LTV1: variants seen among roughly 807,000 people sequenced by gnomAD.
LTV1 encodes LTV1 ribosome biogenesis factor, also known as protein LTV1 homolog.
In LTV1, 39 loss-of-function variants were observed where a neutral mutation model predicts 59.9. The ratio of observed to expected loss-of-function variants is 0.65; its 90% confidence interval spans 0.50 to 0.85. The LOEUF is 0.85. Ranked by LOEUF, LTV1 falls within the 40% of genes least tolerant of loss-of-function variation. The pLI is 0.00. For missense variants in LTV1, 493 were observed against 549.1 expected (o/e 0.90, Z 1.02); for synonymous variants, 171 against 189.5 (o/e 0.90, Z 0.80).
chr6:143,856,780 A>G (rs1167836083), intron 4 of LTV1, among the ~76,000 whole-genome samples: 3 of 152,168 alleles, frequency 2.0e-5, no homozygotes, highest in Non-Finnish European at 4.4e-5. Context: ...AACAGCAAAG[A>G]TTGCTGCTTG....
At chr6:143,860,750 AAAC>A in intron 7 of LTV1, among the ~76,000 whole-genome samples, 197 bp downstream of exon 7, 1 of 152,304 alleles carries the variant, frequency 6.6e-6, no homozygotes, top group East Asian at 1.9e-4. Flanking sequence ...CATTTTCCAT[AAAC>A]TTGGGTCATG....
Position 143,863,437 on chromosome 6 carries a change from A to C in LTV1, c.1338A>C (p.Lys446Asn). 1.9e-6 allele frequency: 3 copies of C among 1,613,688 alleles called. No individual in the cohort carries two copies. In the South Asian group the frequency reaches 3.3e-5, roughly 18 times the overall value. Residue 446 changes from lysine to asparagine, a missense_variant, in exon 11 of 11, where the codon AAA (lysine) becomes AAC (asparagine). Coordinates refer to ENST00000367576, the MANE Select transcript of LTV1 (RefSeq NM_032860.5). This position sits in a 1 kb window ranked among gnomAD's most constrained non-coding sequence, Gnocchi z 4.5. ...AACAGGAACGAAGAGTGGAGAAGAA[A>C]GCTAACAAATTAGCATTTAAACTGG... The part of the protein sequence containing the change: ...EERKERRVEK[K>N]ANKLAFKLEK...
chr6:143,851,575 A>AT (rs905284991), intron 4 of LTV1, among the ~76,000 whole-genome samples: 26 of 147,480 alleles, frequency 1.8e-4, no homozygotes, highest in Middle Eastern at 3.4e-3. Context: ...TTCTTTTTTC[A>AT]TTTTTTTTTT....
At chr6:143,852,693 T>C (rs1172393967) in intron 4 of LTV1, among the ~76,000 whole-genome samples, 4 of 152,384 alleles carry the variant, frequency 2.6e-5, no homozygotes, top group Non-Finnish European at 4.4e-5. Context: ...AGAGTTTTTA[T>C]GGTTTTAGGT....
Position 143,850,221 on chromosome 6 carries a change from ATTTT to A in LTV1, c.397+5_397+8del. 2 of 1,608,764 alleles carry A rather than the reference ATTTT, an allele frequency of 1.2e-6. No homozygotes were observed. Among genetic ancestry groups the A allele is most frequent in the African/African-American group, 1.3e-5 (1 of 74,894 alleles). ...AAATAAAGCAGCTCCAGTTTCAGGTATTTTTAATTGCTTTATCTTTTCATATGGA... is the reference window on the plus strand; with the variant it reads ...AAATAAAGCAGCTCCAGTTTCAGGTATAATTGCTTTATCTTTTCATATGGA... On this transcript the variant is annotated splice_donor_5th_base_variant and intron_variant, in intron 4 of 10. Coordinates refer to ENST00000367576, the MANE Select transcript of LTV1 (RefSeq NM_032860.5).
At chr6:143,856,282 A>G (rs1777076031) in intron 4 of LTV1, among the ~76,000 whole-genome samples, 1 of 152,122 alleles carries the variant, frequency 6.6e-6, no homozygotes, top group Non-Finnish European at 1.5e-5. Flanking sequence ...TTTCAGCTCC[A>G]TCAGGTCATT....
At chr6:143,852,636 C>G (rs1239334661) in intron 4 of LTV1, among the ~76,000 whole-genome samples, 1 of 152,190 alleles carries the variant, frequency 6.6e-6, no homozygotes, top group East Asian at 1.9e-4. Flanking sequence ...GTCAAGAAGT[C>G]TTTGCCCATG....
chr6:143,860,918 C>G (rs1002253855), intron 7 of LTV1, among the ~76,000 whole-genome samples: 2 of 148,664 alleles, frequency 1.3e-5, no homozygotes, highest in African/African-American at 5.0e-5. Context: ...TTTTTTGAGA[C>G]GGAGTCTTGC....
rs1777097924 is a variant in LTV1, at chr6:143,857,574, A to T, written c.539+130A>T. The T allele has an allele frequency of 9.1e-7, 1 of 1,103,034 alleles. No homozygotes were observed. 68.3% of individuals were successfully genotyped at this position (1,103,034 alleles called of 1,614,324 possible). ...TTAATCTGAGACTTCTGTATTTTAGAGCAGAAAATGTGAGATTCATTGCTT... is the reference window on the plus strand; with the variant it reads ...TTAATCTGAGACTTCTGTATTTTAGTGCAGAAAATGTGAGATTCATTGCTT... On this transcript the variant is annotated intron_variant, in intron 5 of 10. Transcript: ENST00000367576. The surrounding 1 kb of genome is among the most constrained non-coding windows in gnomAD (Gnocchi z 5.2).
At chr6:143,848,978 G>A (rs1169502972) in intron 3 of LTV1, among the ~76,000 whole-genome samples, 1 of 152,210 alleles carries the variant, frequency 6.6e-6, no homozygotes, top group African/African-American at 2.4e-5. Context: ...TAGAATAACT[G>A]AGAAATTTGG....
At chr6:143,847,997 ATGG>A (rs1411720954) in intron 3 of LTV1, among the ~76,000 whole-genome samples, 10 of 152,346 alleles carry the variant, frequency 6.6e-5, no homozygotes, top group African/African-American at 2.2e-4. Context: ...TGAAAGAAAG[ATGG>A]TGGTGCTGTT....
chr6:143,852,528 C>A (rs933862823), intron 4 of LTV1, among the ~76,000 whole-genome samples: 1 of 152,114 alleles, frequency 6.6e-6, no homozygotes, highest in African/African-American at 2.4e-5. Context: ...TGCCTGTTGA[C>A]TCTGATGATA....
chr6:143,843,339 T>C lies in LTV1; in HGVS notation c.-139T>C, dbSNP rs112907020. ...TGGTCCGTTTCCACGGCCGGCTGGG[T>C]GACGTTATCGCCGGGTCCTGGGGCT... On this transcript the variant is annotated 5_prime_UTR_variant, in exon 1 of 11. Transcript: ENST00000367576. 2.0e-3 allele frequency: 2,063 copies of C among 1,053,566 alleles called. 25 individuals are homozygous for C. The African/African-American group carries it at 0.024, about 12-fold the overall frequency. The allele number at this position is 1,053,566 out of a possible 1,614,324, so 65.3% of individuals were successfully genotyped here.
chr6:143,860,726 A>G (rs889378826), intron 7 of LTV1, among the ~76,000 whole-genome samples, 173 bp downstream of exon 7: 51 of 152,196 alleles, frequency 3.4e-4, no homozygotes, highest in Admixed American at 3.3e-3. Context: ...TAGGGCGGAA[A>G]AAAGAAAGTG....
At chr6:143,844,796 C>T (rs894095065) in intron 2 of LTV1, among the ~76,000 whole-genome samples, 179 bp downstream of exon 2, 4 of 152,064 alleles carry the variant, frequency 2.6e-5, no homozygotes, top group Admixed American at 2.6e-4. Flanking sequence ...TGAGCCACCA[C>T]GCCTTGCTAT....
At chr6:143,850,106 A>G (rs749627076) in intron 3 of LTV1, 25 bp from the exon 4 acceptor site, 4 of 1,584,698 alleles carry the variant, frequency 2.5e-6, no homozygotes, top group Admixed American at 3.4e-5. Context: ...AATAAACCTA[A>G]CCATTGTGCA....
At chr6:143,854,040 C>G (rs1303608559) in intron 4 of LTV1, among the ~76,000 whole-genome samples, 2 of 152,186 alleles carry the variant, frequency 1.3e-5, no homozygotes. Flanking sequence ...CAGCTCCTCT[C>G]TGTACCTCTG....
chr6:143,857,161 T>G lies in LTV1; in HGVS notation c.398-142T>G. ...GGAGTGTTCATTCTTTATTCTTCACTAGACTGAACTTAGTTCTTAATCGTT... is the reference window on the plus strand; with the variant it reads ...GGAGTGTTCATTCTTTATTCTTCACGAGACTGAACTTAGTTCTTAATCGTT... On this transcript the variant is annotated intron_variant, in intron 4 of 10. Coordinates refer to ENST00000367576, the MANE Select transcript of LTV1 (RefSeq NM_032860.5). The surrounding 1 kb of genome is among the most constrained non-coding windows in gnomAD (Gnocchi z 5.2). 1.0e-6 allele frequency: 1 copy of G among 993,940 alleles called. No homozygotes were observed. The highest frequency in any genetic ancestry group is 1.5e-6 in the Non-Finnish European group (1 of 667,516). The allele number at this position is 993,940 out of a possible 1,614,324, so 61.6% of individuals were successfully genotyped here.
intron 6 of LTV1, among the ~76,000 whole-genome samples, chr6:143,859,260 T>G (rs1459424234): frequency 6.6e-6 from 1 of 152,196 alleles, no homozygotes; most frequent in Non-Finnish European, 1.5e-5. Flanking sequence ...AGCTCCAGGG[T>G]TTATAATCCC....
Sources: gnomAD v4.1 joint callset for allele counts (sites outside exome capture counted in the v4.1 genomes callset) on GRCh38, gnomAD v4.1.1 for gene constraint, Gnocchi (gnomAD v3.1) non-coding constraint, MANE v1.5 for transcripts, NCBI Gene and HGNC (gene_info 2026-07-23, HGNC 2026-07-21) for gene names.